HMGCLL1: variants seen among roughly 807,000 people sequenced by gnomAD.
The protein encoded by HMGCLL1 is 3-hydroxy-3-methylglutaryl-CoA lyase like 1, also known as 3-hydroxymethyl-3-methylglutaryl-CoA lyase, cytoplasmic.
Under a neutral mutation model 39.1 loss-of-function variants are expected in HMGCLL1, and 36 were observed. The observed-to-expected ratio is 0.92, with a 90% CI of 0.71 to 1.22. The LOEUF (loss-of-function observed/expected upper bound fraction) is 1.22. Among genes scored for constraint, HMGCLL1 ranks in the 50% most tolerant of loss-of-function variants. The probability of loss-of-function intolerance (pLI) is 0.00; values close to 1 mark genes in which losing one functional copy is unlikely to be tolerated. For missense variants in HMGCLL1, 451 were observed against 416.5 expected (o/e 1.08, Z -0.72); for synonymous variants, 149 against 144.0 (o/e 1.03, Z -0.25).
At chr6:55,648,249 T>C in the HMGCLL1 span, among the ~76,000 whole-genome samples, 1 of 151,444 alleles carries the variant, frequency 6.6e-6, no homozygotes, top group East Asian at 2.0e-4. Flanking sequence ...TGTGTCTTTA[T>C]AGCAGCATGA....
chr6:55,475,590 T>G (rs1423547362), intron 7 of HMGCLL1, among the ~76,000 whole-genome samples: 3 of 151,720 alleles, frequency 2.0e-5, no homozygotes, highest in Non-Finnish European at 4.4e-5. Context: ...ATTTCCAAAC[T>G]CTTTACATTT....
the HMGCLL1 span, among the ~76,000 whole-genome samples, chr6:55,620,626 T>TAAAC: frequency 6.7e-6 from 1 of 149,316 alleles, no homozygotes; most frequent in Non-Finnish European, 1.5e-5. Context: ...TTTGGGGTGT[T>TAAAC]ACACACACAC....
the HMGCLL1 span, among the ~76,000 whole-genome samples, chr6:55,634,607 A>G: frequency 1.3e-5 from 2 of 152,152 alleles, no homozygotes; most frequent in Non-Finnish European, 2.9e-5. Context: ...GAATATGTAC[A>G]CATCAAATAT....
chr6:55,562,988 A>G (rs1234657643), intron 1 of HMGCLL1, among the ~76,000 whole-genome samples: 1 of 152,084 alleles, frequency 6.6e-6, no homozygotes, highest in East Asian at 1.9e-4. Flanking sequence ...GTCCATATAT[A>G]AATATATATA....
the HMGCLL1 span, among the ~76,000 whole-genome samples, chr6:55,584,208 A>C: frequency 2.0e-5 from 3 of 152,142 alleles, no homozygotes; most frequent in African/African-American, 7.2e-5. Context: ...ATTTAACAGA[A>C]TTCTTACTTG....
chr6:55,564,628 T>C (rs1342673084), intron 1 of HMGCLL1, among the ~76,000 whole-genome samples: 1 of 152,168 alleles, frequency 6.6e-6, no homozygotes, highest in Non-Finnish European at 1.5e-5. Flanking sequence ...ATGTGAATTT[T>C]ACATTACACA....
intron 7 of HMGCLL1, among the ~76,000 whole-genome samples, chr6:55,453,301 T>C (rs376270197): frequency 1.3e-5 from 2 of 152,030 alleles, no homozygotes; most frequent in Non-Finnish European, 1.5e-5. Context: ...GCCTCAGCCT[T>C]ACCAGCAGCT....
At chr6:55,509,618 G>A (rs1442395815) in intron 5 of HMGCLL1, among the ~76,000 whole-genome samples, 1 of 151,926 alleles carries the variant, frequency 6.6e-6, no homozygotes, top group African/African-American at 2.4e-5. Context: ...TTTTAAAGGA[G>A]AATACTGTGC....
intron 1 of HMGCLL1, among the ~76,000 whole-genome samples, chr6:55,553,192 C>CAT (rs1415377510): frequency 7.3e-6 from 1 of 137,736 alleles, no homozygotes; most frequent in Admixed American, 7.1e-5. Context: ...CACACACACA[C>CAT]ACACACACAC....
At chr6:55,668,123 G>A in the HMGCLL1 span, among the ~76,000 whole-genome samples, 1 of 151,972 alleles carries the variant, frequency 6.6e-6, no homozygotes, top group Admixed American at 6.6e-5. Flanking sequence ...AGATGTGAGT[G>A]ACTTGAGCAA....
chr6:55,631,089 A>AT, the HMGCLL1 span, among the ~76,000 whole-genome samples: 3 of 151,990 alleles, frequency 2.0e-5, no homozygotes, highest in Admixed American at 6.6e-5. Flanking sequence ...TACTTGAATC[A>AT]TTAATACCTC....
At chr6:55,568,680 G>T (rs907963267) in intron 1 of HMGCLL1, among the ~76,000 whole-genome samples, 3 of 152,080 alleles carry the variant, frequency 2.0e-5, no homozygotes, top group Non-Finnish European at 4.4e-5. Context: ...CATTATTAGG[G>T]CTTTAAGCAG....
chr6:55,438,104 G>C (rs1763442150), intron 8 of HMGCLL1, among the ~76,000 whole-genome samples: 1 of 152,018 alleles, frequency 6.6e-6, no homozygotes, highest in Admixed American at 6.6e-5. Flanking sequence ...TTAAGCATCA[G>C]CTATCAGCTA....
At chr6:55,589,173 C>T in the HMGCLL1 span, among the ~76,000 whole-genome samples, 6 of 152,218 alleles carry the variant, frequency 3.9e-5, no homozygotes, top group East Asian at 3.9e-4. Flanking sequence ...ACTGGCAAAC[C>T]GAATCCAGCA....
chr6:55,617,414 T>C, the HMGCLL1 span, among the ~76,000 whole-genome samples: 1 of 152,052 alleles, frequency 6.6e-6, no homozygotes, highest in Admixed American at 6.6e-5. Flanking sequence ...GTGAAGAGGT[T>C]GGGAACCATG....
chr6:55,478,624 G>T (rs1355939651), intron 7 of HMGCLL1, among the ~76,000 whole-genome samples: 5 of 151,170 alleles, frequency 3.3e-5, no homozygotes, highest in Non-Finnish European at 7.4e-5. Flanking sequence ...AAACAAATAT[G>T]GATATGGATG....
intron 3 of HMGCLL1, among the ~76,000 whole-genome samples, chr6:55,536,580 T>C (rs998687891): frequency 1.3e-5 from 2 of 152,194 alleles, no homozygotes; most frequent in Non-Finnish European, 2.9e-5. Context: ...TTCTTTCTGC[T>C]GCTATTGTTC....
At chr6:55,491,782 T>A (rs1766323567) in intron 7 of HMGCLL1, among the ~76,000 whole-genome samples, 1 of 152,196 alleles carries the variant, frequency 6.6e-6, no homozygotes, top group African/African-American at 2.4e-5. Context: ...CACCTCATTT[T>A]CTTGCTCTTT....
chr6:55,498,331 T>C (rs1239511371), intron 6 of HMGCLL1, among the ~76,000 whole-genome samples: 5 of 152,174 alleles, frequency 3.3e-5, no homozygotes, highest in Admixed American at 6.6e-5. Flanking sequence ...CTGAATTGTG[T>C]TATTTTATAG....
Sources: gnomAD v4.1 joint callset for allele counts (sites outside exome capture counted in the v4.1 genomes callset) on GRCh38, gnomAD v4.1.1 for gene constraint, MANE v1.5 for transcripts, NCBI Gene and HGNC (gene_info 2026-07-23, HGNC 2026-07-21) for gene names.